ZFAT: variants seen among roughly 807,000 people sequenced by gnomAD.
The protein encoded by ZFAT is zinc finger protein ZFAT.
A neutral mutation model predicts 117.7 loss-of-function variants in ZFAT; 64 were observed. The ratio of observed to expected loss-of-function variants is 0.54; its 90% CI spans 0.44 to 0.67. The LOEUF (loss-of-function observed/expected upper bound fraction) is 0.67. Ranked by LOEUF, ZFAT falls within the 30% of genes least tolerant of loss-of-function variation. ZFAT has a pLI of 0.00. For missense variants in ZFAT, 1,433 were observed against 1,584.5 expected, an observed-to-expected ratio of 0.90 and a Z score of 1.62; for synonymous variants, 679 against 615.0, an observed-to-expected ratio of 1.10 and a Z score of -1.54.
the ZFAT span, among the ~76,000 whole-genome samples, chr8:134,799,664 G>C: frequency 2.0e-5 from 3 of 152,142 alleles, no homozygotes; most frequent in Non-Finnish European, 4.4e-5. Context: ...TTCCCCCAAA[G>C]TAACATAGCG....
At chr8:134,620,231 G>C (rs1194992137) in intron 3 of ZFAT, among the ~76,000 whole-genome samples, 1 of 152,188 alleles carries the variant, frequency 6.6e-6, no homozygotes, top group African/African-American at 2.4e-5. Context: ...TCTGAGCAGG[G>C]GCTTGGGCCC....
the ZFAT span, among the ~76,000 whole-genome samples, chr8:134,782,835 A>G: frequency 1.3e-3 from 202 of 152,246 alleles, 2 homozygotes; most frequent in East Asian, 0.027. Flanking sequence ...AGTAGCATGA[A>G]AATGGACTAA....
chr8:134,603,683 A>G (rs928342725), intron 5 of ZFAT, among the ~76,000 whole-genome samples: 3 of 152,170 alleles, frequency 2.0e-5, no homozygotes, highest in Non-Finnish European at 4.4e-5. Flanking sequence ...AGCTCTGCCT[A>G]TTTCTGTTGA....
chr8:134,585,915 C>G (rs1047666031), intron 9 of ZFAT, among the ~76,000 whole-genome samples: 1 of 152,220 alleles, frequency 6.6e-6, no homozygotes, highest in South Asian at 2.1e-4. Flanking sequence ...GCACAAAATT[C>G]TACACAAATG....
intron 5 of ZFAT, among the ~76,000 whole-genome samples, chr8:134,605,954 G>C (rs1460044660): frequency 6.6e-6 from 1 of 152,192 alleles, no homozygotes; most frequent in African/African-American, 2.4e-5. Flanking sequence ...CGGACACTCT[G>C]AGAGTCCAGT....
At chr8:134,740,640 A>G in the ZFAT span, among the ~76,000 whole-genome samples, 1 of 152,292 alleles carries the variant, frequency 6.6e-6, no homozygotes, top group Non-Finnish European at 1.5e-5. Flanking sequence ...CTAGAGAAAA[A>G]ACAAAGCACA....
chr8:134,549,815 C>T (rs1489070014), intron 11 of ZFAT, among the ~76,000 whole-genome samples: 4 of 152,066 alleles, frequency 2.6e-5, no homozygotes, highest in East Asian at 1.9e-4. Context: ...TCCACCTGAC[C>T]CAAACAAACA....
chr8:134,608,625 A>G (rs1202703263), intron 5 of ZFAT, 104 bp downstream of exon 5: 3 of 1,408,982 alleles, frequency 2.1e-6, no homozygotes, highest in Non-Finnish European at 1.9e-6. Context: ...AAACAAGTTT[A>G]TAAGCAGAAT....
intron 1 of ZFAT, among the ~76,000 whole-genome samples, chr8:134,671,044 G>C (rs6991553): frequency 0.35 from 52,391 of 151,786 alleles, 9,404 homozygotes; most frequent in South Asian, 0.43. Context: ...CCTCCCAAGA[G>C]TAAACCAGGA....
chr8:134,561,177 G>A (rs1352843423), intron 11 of ZFAT, among the ~76,000 whole-genome samples: 1 of 152,220 alleles, frequency 6.6e-6, no homozygotes, highest in Non-Finnish European at 1.5e-5. Context: ...CTATCCAATT[G>A]TGAAAGGAAT....
chr8:134,756,832 G>A, the ZFAT span, among the ~76,000 whole-genome samples: 13 of 152,166 alleles, frequency 8.5e-5, no homozygotes, highest in African/African-American at 2.2e-4. Context: ...CTCCACAAGC[G>A]CAGTTGCTGT....
chr8:134,798,825 C>T, the ZFAT span, among the ~76,000 whole-genome samples: 1 of 152,194 alleles, frequency 6.6e-6, no homozygotes, highest in East Asian at 1.9e-4. Flanking sequence ...GTATTTTTCA[C>T]ATCTAGCATA....
At chr8:134,550,302 T>A (rs1823034764) in intron 11 of ZFAT, among the ~76,000 whole-genome samples, 1 of 65,038 alleles carries the variant, frequency 1.5e-5, no homozygotes, top group Non-Finnish European at 2.9e-5. Context: ...CCAGGGTTGG[T>A]CACAACGGAA....
chr8:134,717,627 C>T (rs7832017), upstream of ZFAT, among the ~76,000 whole-genome samples: 9,421 of 150,102 alleles, frequency 0.063, 358 homozygotes, highest in African/African-American at 0.097. Flanking sequence ...GGACTACAGG[C>T]GCCCACCACC....
chr8:134,819,261 G>C, the ZFAT span, among the ~76,000 whole-genome samples: 4 of 151,420 alleles, frequency 2.6e-5, no homozygotes, highest in African/African-American at 9.7e-5. Flanking sequence ...GAAGAGGAAG[G>C]GGGTGAAGGA....
At chr8:134,776,950 G>C in the ZFAT span, among the ~76,000 whole-genome samples, 5,791 of 152,252 alleles carry the variant, frequency 0.038, 153 homozygotes, top group Middle Eastern at 0.075. Context: ...GAAACAAACA[G>C]AACTCTGGAG....
At chr8:134,538,469 T>C (rs1180470351) in intron 11 of ZFAT, among the ~76,000 whole-genome samples, 1 of 152,068 alleles carries the variant, frequency 6.6e-6, no homozygotes, top group African/African-American at 2.4e-5. Context: ...TCATGTTCCT[T>C]TTTCCAAAAT....
intron 15 of ZFAT, among the ~76,000 whole-genome samples, chr8:134,503,656 C>A (rs1321905269): frequency 1.3e-5 from 2 of 152,062 alleles, no homozygotes; most frequent in Non-Finnish European, 2.9e-5. Context: ...CAGCTGATGG[C>A]CTAAATAGAA....
At chr8:134,515,284 C>G (rs1820172803) in intron 13 of ZFAT, among the ~76,000 whole-genome samples, 2 of 152,098 alleles carry the variant, frequency 1.3e-5, no homozygotes, top group African/African-American at 4.8e-5. Context: ...GTGCATGTGT[C>G]CTTATAGTAG....
Sources: allele counts gnomAD v4.1 joint callset (sites outside exome capture counted in the v4.1 genomes callset), GRCh38; gene constraint gnomAD v4.1.1; transcripts MANE v1.5; gene names NCBI Gene and HGNC (gene_info 2026-07-23, HGNC 2026-07-21).